CRMP1: variants seen among roughly 807,000 people sequenced by gnomAD.
The protein encoded by CRMP1 is dihydropyrimidinase-related protein 1.
In CRMP1, 19 loss-of-function variants were observed where a neutral mutation model predicts 68.3. The ratio of observed to expected loss-of-function variants is 0.28; its 90% CI spans 0.19 to 0.41. The LOEUF (loss-of-function observed/expected upper bound fraction) is 0.41, where lower values mean the gene tolerates loss of function less well. CRMP1 is among the 10% of genes least tolerant of loss of function. CRMP1 has a pLI of 1.00. For synonymous variants in CRMP1, 439 were observed against 399.6 expected, an observed-to-expected ratio of 1.10 and a Z score of -1.18; for missense variants, 791 against 967.4, an observed-to-expected ratio of 0.82 and a Z score of 2.42.
At chr4:5,844,351 G>A (rs1461265062) in intron 6 of CRMP1, among the ~76,000 whole-genome samples, 1 of 151,412 alleles carries the variant, frequency 6.6e-6, no homozygotes, top group Non-Finnish European at 1.5e-5. Flanking sequence ...GAAGTAAGGA[G>A]GGGGAGGGCA....
At chr4:5,844,977 A>G (rs1351623622) in intron 6 of CRMP1, among the ~76,000 whole-genome samples, 1 of 152,264 alleles carries the variant, frequency 6.6e-6, no homozygotes, top group African/African-American at 2.4e-5. Flanking sequence ...ACAACTGGAG[A>G]ATACATTGTG....
In CRMP1 at chr4:5,893,011, G is replaced by C; in HGVS notation, c.-42C>G. 2 of 1,127,506 alleles carry C rather than the reference G, an allele frequency of 1.8e-6. No individual in the cohort carries two copies. Among genetic ancestry groups the C allele is most frequent in the Non-Finnish European group, 2.2e-6 (2 of 919,498 alleles). The allele number at this position is 1,127,506 out of a possible 1,614,324, so 69.8% of individuals were successfully genotyped here. A position where few individuals can be genotyped will look rare whatever the true frequency, so the allele number is the denominator to read the frequency against. On this transcript the variant is annotated 5_prime_UTR_variant, in exon 1 of 14. Transcript: ENST00000324989. ...CCACCCACCGCGCTCCCGCCTGCCCGCCCGCGGCCCTGGGCACCGCCGTGC... is the reference window on the plus strand; with the variant it reads ...CCACCCACCGCGCTCCCGCCTGCCCCCCCGCGGCCCTGGGCACCGCCGTGC...
chr4:5,840,883 G>A (rs1372425510), intron 8 of CRMP1, among the ~76,000 whole-genome samples: 3 of 152,148 alleles, frequency 2.0e-5, no homozygotes, highest in Non-Finnish European at 4.4e-5. Context: ...GGGGTCCACA[G>A]CTGCTCTGTC....
In CRMP1 at chr4:5,841,320, C is replaced by A; in HGVS notation, c.1141G>T (p.Ala381Ser). The A allele has an allele frequency of 1.2e-6, 2 of 1,613,886 alleles. No individual in the cohort carries two copies. The highest frequency in any genetic ancestry group is 1.7e-6 in the Non-Finnish European group (2 of 1,179,974). The change falls in exon 8 of 14, where the codon GCC (alanine) becomes TCC (serine). Residue 381 changes from alanine (A) to serine (S), a missense_variant. Around this residue, in one of 3 missense-constraint regions of CRMP1, gnomAD observed 594 missense variants for 763.6 expected, o/e 0.78. Transcript: ENST00000324989. This position sits in a 1 kb window ranked among gnomAD's most constrained non-coding sequence, Gnocchi z 6.9. ...GCCGGCTGCATACCTTTCTTCCTGG[C>A]CAGAGCGATGATGTCGGCTGCACTC... ...SKSAADIIAL[A>S]RKKGPLVFGE...
rs1560492931 is a variant in CRMP1 at position 5,838,346 on chromosome 4, G to A, written c.1310+1176C>T. On this transcript the variant is annotated intron_variant, in intron 9 of 13. Coordinates refer to ENST00000324989, the MANE Select transcript of CRMP1 (RefSeq NM_001014809.3). This position sits in a 1 kb window ranked among gnomAD's most constrained non-coding sequence, Gnocchi z 4.9. The stretch of plus-strand genomic sequence containing the variant: ...AGTTCTGCCTTGTTGGATGTTGCAG[G>A]GACTTGGGTTTCACTGGCAGAGGAC... Among the ~76,000 whole-genome samples the A allele has an allele frequency of 6.6e-6, 1 of 152,112 alleles. No homozygotes were observed.
intron 11 of CRMP1, among the ~76,000 whole-genome samples, chr4:5,832,139 G>T (rs754316205): frequency 5.4e-4 from 82 of 152,224 alleles, no homozygotes; most frequent in Non-Finnish European, 2.2e-4. Context: ...CATAGAAACA[G>T]AAAGCAGATT....
chr4:5,832,618 G>C (rs574589626), intron 11 of CRMP1, among the ~76,000 whole-genome samples: 1 of 152,280 alleles, frequency 6.6e-6, no homozygotes, highest in South Asian at 2.1e-4. Context: ...GCATTGCTTT[G>C]GACAGAGAAA....
chr4:5,882,687 A>T (rs1715291315), intron 1 of CRMP1, among the ~76,000 whole-genome samples: 1 of 152,242 alleles, frequency 6.6e-6, no homozygotes, highest in African/African-American at 2.4e-5. Context: ...GCCAGGATTC[A>T]AAGCCAGATA....
intron 4 of CRMP1, 60 bp from the exon 5 acceptor site, chr4:5,851,529 C>T: frequency 6.6e-7 from 1 of 1,520,200 alleles, no homozygotes; most frequent in South Asian, 1.1e-5. Flanking sequence ...GCATGTCTTT[C>T]CAATAAATCA....
At chr4:5,880,255 T>C (rs28419102) in intron 1 of CRMP1, among the ~76,000 whole-genome samples, 1,533 of 152,282 alleles carry the variant, frequency 0.01, 30 homozygotes, top group African/African-American at 0.035. Flanking sequence ...CAGACACTTT[T>C]TCCTTCCTCC....
intron 1 of CRMP1, among the ~76,000 whole-genome samples, chr4:5,873,806 G>C (rs1254335341): frequency 1.3e-5 from 2 of 152,252 alleles, no homozygotes; most frequent in East Asian, 3.9e-4. Context: ...GGTCTTCTTT[G>C]GCTGAAGGGT....
intron 6 of CRMP1, among the ~76,000 whole-genome samples, chr4:5,848,776 G>A (rs1262106093): frequency 6.6e-6 from 1 of 152,160 alleles, no homozygotes; most frequent in Non-Finnish European, 1.5e-5. Context: ...TCATAGCATG[G>A]CGGTGGGCAT....
intron 2 of CRMP1, among the ~76,000 whole-genome samples, chr4:5,862,078 G>T (rs1454210197): frequency 1.3e-5 from 2 of 152,172 alleles, no homozygotes; most frequent in East Asian, 1.9e-4. Context: ...CCCCAAAGAA[G>T]TGGGTGCCAC....
chr4:5,832,234 T>A (rs1720430713), intron 11 of CRMP1, among the ~76,000 whole-genome samples: 1 of 152,224 alleles, frequency 6.6e-6, no homozygotes, highest in Admixed American at 6.5e-5. Context: ...ATGAAAACAT[T>A]CTGGAATTAT....
chr4:5,864,574 G>A (rs753113761), intron 2 of CRMP1, among the ~76,000 whole-genome samples: 2 of 152,118 alleles, frequency 1.3e-5, no homozygotes, highest in East Asian at 1.9e-4. Flanking sequence ...GCCCCAGGGC[G>A]GGGGGCCACG....
In CRMP1 at chr4:5,866,651, C is replaced by A; in HGVS notation, c.470+17G>T. 1 of 1,599,120 alleles carries A rather than the reference C, an allele frequency of 6.3e-7. No individual in the cohort carries two copies. Among genetic ancestry groups the A allele is most frequent in the Non-Finnish European group, 8.5e-7 (1 of 1,170,764 alleles). ...GGCGACACAGGTTTCTTAAAAGGTC[C>A]GTTTTGATCAACCCACTTGATAAGT... On this transcript the variant is annotated intron_variant, in intron 2 of 13. Coordinates refer to ENST00000324989, the MANE Select transcript of CRMP1 (RefSeq NM_001014809.3). The surrounding 1 kb of genome is among the most constrained non-coding windows in gnomAD (Gnocchi z 5.9).
chr4:5,856,937 C>T (rs1225847856), intron 3 of CRMP1, among the ~76,000 whole-genome samples: 1 of 146,484 alleles, frequency 6.8e-6, no homozygotes, highest in African/African-American at 2.7e-5. Flanking sequence ...CCATCACCAC[C>T]ATCATCACCA....
At chr4:5,824,848 C>A (rs1336453571) in intron 13 of CRMP1, 2 of 985,282 alleles carry the variant, frequency 2.0e-6, no homozygotes, top group African/African-American at 1.7e-5. Context: ...TGCCTGCCCT[C>A]ATGTGGCCAT....
chr4:5,884,407 AC>A (rs1271229012), intron 1 of CRMP1, among the ~76,000 whole-genome samples: 2 of 151,852 alleles, frequency 1.3e-5, no homozygotes, highest in Non-Finnish European at 2.9e-5. Context: ...ACACCCACAC[AC>A]AAACACATTT....
Sources: gnomAD v4.1 joint callset for allele counts (sites outside exome capture counted in the v4.1 genomes callset) on GRCh38, gnomAD v4.1.1 for gene constraint, gnomAD v4.1.1 regional missense constraint, Gnocchi (gnomAD v3.1) non-coding constraint, MANE v1.5 for transcripts, NCBI Gene and HGNC (gene_info 2026-07-23, HGNC 2026-07-21) for gene names.